The following RNF123 variants were observed in gnomAD, a reference collection of about 807,000 sequenced individuals.
RNF123 encodes the protein E3 ubiquitin-protein ligase RNF123.
RNF123 carries 86 observed loss-of-function variants against 168.5 expected under a neutral mutation model. The observed-to-expected ratio is 0.51, with a 90% CI of 0.43 to 0.61. RNF123 has a LOEUF of 0.61. RNF123 is among the 20% of genes least tolerant of loss of function. The probability of loss-of-function intolerance (pLI) is 0.00; values close to 1 mark genes in which losing one functional copy is unlikely to be tolerated. For missense variants in RNF123, 1,419 were observed against 1,729.7 expected (o/e 0.82, Z 3.19); for synonymous variants, 666 against 689.1 (o/e 0.97, Z 0.52).
At chr3:49,690,797 A>T (rs2054142239) in intron 1 of RNF123, among the ~76,000 whole-genome samples, 1 of 152,206 alleles carries the variant, frequency 6.6e-6, no homozygotes, top group Non-Finnish European at 1.5e-5. Flanking sequence ...TGCCCCTAGG[A>T]CACCTCACTT....
chr3:49,694,269 A>G (rs1338981423), intron 3 of RNF123, among the ~76,000 whole-genome samples: 1 of 152,254 alleles, frequency 6.6e-6, no homozygotes, highest in Non-Finnish European at 1.5e-5. Flanking sequence ...AAGTGTTAAC[A>G]TATATATAAA....
chr3:49,690,631 G>C (rs1398847440), intron 1 of RNF123, among the ~76,000 whole-genome samples: 2 of 152,248 alleles, frequency 1.3e-5, no homozygotes, highest in Non-Finnish European at 2.9e-5. Context: ...CCAGGGCTGA[G>C]GAAAGAGGCT....
intron 35 of RNF123, chr3:49,718,645 G>A (rs755417977): frequency 6.2e-7 from 1 of 1,613,014 alleles, no homozygotes; most frequent in Non-Finnish European, 8.5e-7. Context: ...TGGGGCCGAC[G>A]AGCAGTTCTC....
At chr3:49,714,313 C>A (rs1307161470) in intron 31 of RNF123, 139 bp downstream of exon 31, 1 of 735,762 alleles carries the variant, frequency 1.4e-6, no homozygotes, top group African/African-American at 1.7e-5. Context: ...TACGTGTCCC[C>A]TGGGGTTTCC....
intron 27 of RNF123, chr3:49,713,141 G>T (rs556785187): frequency 1.7e-6 from 1 of 595,452 alleles, no homozygotes; most frequent in African/African-American, 1.9e-5. Flanking sequence ...TCTGGATCAG[G>T]CAGTGAGCTG....
chr3:49,719,574 G>T lies in RNF123; in HGVS notation c.3501-937G>T, dbSNP rs1057381224. 3.6e-5 allele frequency: 35 copies of T among 981,130 alleles called. No individual in the cohort carries two copies. In the African/African-American group the frequency reaches 4.0e-4, roughly 11 times the overall value. 60.8% of individuals were successfully genotyped at this position (981,130 alleles called of 1,614,324 possible). On this transcript the variant is annotated intron_variant, in intron 35 of 38. Transcript: ENST00000327697. ...TGGGTGGCACCGGATGGCCCTTGCC[G>T]AGGAGGCACGGCGGGTTCTTGCCAG... is the stretch of plus-strand genomic sequence containing the variant.
chr3:49,700,347 A>G lies in RNF123; in HGVS notation c.1105A>G (p.Met369Val). Reference protein sequence around the residue: ...HQVLDLLWLFMEDYEVQDCLK... With the variant: ...HQVLDLLWLFVEDYEVQDCLK... The stretch of plus-strand genomic sequence containing the variant: ...GGTCCTGGACCTCTTGTGGCTCTTC[A>G]TGGAGGTGAGGCTCCTGACCTCAGG... Residue 369 changes from methionine to valine, a missense_variant, in exon 13 of 39, where the codon ATG becomes GTG. By Grantham distance (21) the Met-to-Val change is conservative (BLOSUM62 1). Coordinates refer to ENST00000327697, the MANE Select transcript of RNF123 (RefSeq NM_022064.5). 2 of 1,614,168 alleles carry G rather than the reference A, an allele frequency of 1.2e-6. No homozygotes were observed. The highest frequency in any genetic ancestry group is 1.7e-6 in the Non-Finnish European group (2 of 1,180,000).
chr3:49,697,296 G>C, intron 4 of RNF123, 67 bp from the exon 5 acceptor site: 7 of 1,589,648 alleles, frequency 4.4e-6, no homozygotes, highest in Non-Finnish European at 6.0e-6. Context: ...CGTCTGGTGA[G>C]CTCAGGACAC....
intron 35 of RNF123, chr3:49,718,918 G>A (rs769675033): frequency 2.5e-6 from 4 of 1,613,764 alleles, no homozygotes; most frequent in East Asian, 2.2e-5. Flanking sequence ...AAGCAGGTGG[G>A]TGGCGCTCAG....
At chr3:49,720,973 T>C (rs375544549) in intron 37 of RNF123, 47 bp from the exon 38 acceptor site, 15 of 1,607,480 alleles carry the variant, frequency 9.3e-6, no homozygotes, top group Middle Eastern at 1.6e-4. Context: ...GACATCCACA[T>C]AGCCAGGCAT....
intron 32 of RNF123, 31 bp downstream of exon 32, chr3:49,715,745 GT>G: frequency 6.2e-7 from 1 of 1,614,214 alleles, no homozygotes; most frequent in Non-Finnish European, 8.5e-7. Flanking sequence ...GTGGGTTAGG[GT>G]GGTGCAAGGG....
Position 49,721,391 on chromosome 3 carries a change from T to C in RNF123, c.*86T>C. ...TATTTATGAGCTCCCTTTGCCCTTC[T>C]CCTGTATCCCACACCACCACATCCA... is the stretch of plus-strand genomic sequence containing the variant. On this transcript the variant is annotated 3_prime_UTR_variant, in exon 39 of 39. Coordinates refer to ENST00000327697, the MANE Select transcript of RNF123 (RefSeq NM_022064.5). 1 of 1,557,154 alleles carries C rather than the reference T, an allele frequency of 6.4e-7. No individual in the cohort carries two copies. Among genetic ancestry groups the C allele is most frequent in the Non-Finnish European group, 8.9e-7 (1 of 1,128,940 alleles).
rs774783499 is a variant in RNF123, at chr3:49,707,010, A to G, written c.2496+112A>G. 12 of 781,722 alleles carry G rather than the reference A, an allele frequency of 1.5e-5. No homozygotes were observed. The East Asian group carries it at 2.6e-4, about 17-fold the overall frequency. 48.4% of individuals were successfully genotyped at this position (781,722 alleles called of 1,614,324 possible). On this transcript the variant is annotated intron_variant, in intron 26 of 38. Transcript: ENST00000327697. ...ACCCTCTCAGGCCTCTGGCACACAC[A>G]TGTCCCTTCCCACACTTCAGACTCC... is the stretch of plus-strand genomic sequence containing the variant.
intron 35 of RNF123, chr3:49,716,824 C>T (rs1225069477): frequency 2.8e-5 from 7 of 248,854 alleles, no homozygotes; most frequent in Admixed American, 4.9e-5. Flanking sequence ...CACGGAGGAC[C>T]GCCATTGTCT....
Position 49,705,703 on chromosome 3 carries a change from T to C in RNF123, c.2304+24T>C. 4.3e-6 allele frequency: 7 copies of C among 1,613,944 alleles called. No individual in the cohort carries two copies. In the South Asian group the frequency reaches 4.4e-5, roughly 10 times the overall value. ...AGGTCGTGCACTCTTGGACCCCGCA[T>C]TGGGTGGCGGGTGTTGTGCGTGTTT... On this transcript the variant is annotated intron_variant, in intron 24 of 38. Transcript: ENST00000327697.
intron 20 of RNF123, 139 bp downstream of exon 20, chr3:49,702,892 A>C (rs1575527511): frequency 2.8e-4 from 367 of 1,318,978 alleles, no homozygotes; most frequent in East Asian, 7.6e-4. Flanking sequence ...GTTGAGTCCT[A>C]CCCAGCCACA....
chr3:49,703,171 G>A (rs2054442058), intron 20 of RNF123, among the ~76,000 whole-genome samples: 1 of 152,194 alleles, frequency 6.6e-6, no homozygotes. Context: ...CTTCTCCTGA[G>A]TGAACGGCTG....
intron 31 of RNF123, among the ~76,000 whole-genome samples, 194 bp downstream of exon 31, chr3:49,714,368 T>TC (rs1251814108): frequency 6.6e-6 from 1 of 152,068 alleles, no homozygotes; most frequent in Non-Finnish European, 1.5e-5. Context: ...GGGATGGGAC[T>TC]CCCCCTCCCC....
chr3:49,700,524 T>G lies in RNF123; in HGVS notation c.1163T>G (p.Leu388Arg). ...CAGTTGATGATGTCTCTGCTTCGGCTGTACCGATTCTCACCCATTGTCCCA... is the reference window on the plus strand; with the variant it reads ...CAGTTGATGATGTCTCTGCTTCGGCGGTACCGATTCTCACCCATTGTCCCA... ...LKQLMMSLLR[L>R]YRFSPIVPDL... is the part of the protein sequence containing the mutation. Residue 388 changes from leucine (L) to arginine (R), a missense_variant, in exon 14 of 39, where the codon CTG becomes CGG. Physicochemically the swap from Leu to Arg is moderately radical, Grantham distance 102. Coordinates refer to ENST00000327697, the MANE Select transcript of RNF123 (RefSeq NM_022064.5). 1 of 1,614,226 alleles carries G rather than the reference T, an allele frequency of 6.2e-7. No homozygotes were observed. The highest frequency in any genetic ancestry group is 8.5e-7 in the Non-Finnish European group (1 of 1,180,038).
Sources: allele counts gnomAD v4.1 joint callset (sites outside exome capture counted in the v4.1 genomes callset), GRCh38; gene constraint gnomAD v4.1.1; transcripts MANE v1.5; gene names NCBI Gene and HGNC (gene_info 2026-07-23, HGNC 2026-07-21).